NRXN3: variants seen among roughly 807,000 people sequenced by gnomAD.
NRXN3 encodes neurexin III.
A neutral mutation model predicts 137.6 loss-of-function variants in NRXN3; 32 were observed. That is an observed-to-expected ratio of 0.23 (90% CI 0.18 to 0.31). The LOEUF is 0.31. NRXN3 is among the 10% of genes least tolerant of loss of function. NRXN3 has a pLI of 1.00. For missense variants in NRXN3, 1,574 were observed against 2,062.5 expected, an observed-to-expected ratio of 0.76 and a Z score of 4.59; for synonymous variants, 798 against 784.5, an observed-to-expected ratio of 1.02 and a Z score of -0.29.
chr14:79,068,837 C>T (rs1436650056), intron 15 of NRXN3, among the ~76,000 whole-genome samples: 1 of 151,980 alleles, frequency 6.6e-6, no homozygotes, highest in African/African-American at 2.4e-5. Flanking sequence ...TTAGATGTTG[C>T]CCGTCTCAGC....
chr14:78,421,923 A>G (rs2093464610), intron 4 of NRXN3, among the ~76,000 whole-genome samples: 1 of 152,132 alleles, frequency 6.6e-6, no homozygotes, highest in African/African-American at 2.4e-5. Context: ...AGCGCCAGCT[A>G]TTTCTCTAGT....
intron 20 of NRXN3, among the ~76,000 whole-genome samples, chr14:79,842,433 A>C (rs1256022778): frequency 6.6e-6 from 1 of 152,140 alleles, no homozygotes; most frequent in Admixed American, 6.5e-5. Flanking sequence ...GCCAGAGAGT[A>C]TGGCCAGAGC....
intron 15 of NRXN3, among the ~76,000 whole-genome samples, chr14:79,362,638 A>G (rs1262222566): frequency 2.0e-5 from 3 of 152,198 alleles, no homozygotes; most frequent in African/African-American, 7.2e-5. Context: ...CTTAGAAATG[A>G]TCTTTACACA....
At chr14:78,491,263 T>C (rs1015706777) in intron 4 of NRXN3, among the ~76,000 whole-genome samples, 1 of 151,920 alleles carries the variant, frequency 6.6e-6, no homozygotes, top group African/African-American at 2.4e-5. Flanking sequence ...GTGCCCTTCA[T>C]TTTCCAGCTC....
intron 8 of NRXN3, among the ~76,000 whole-genome samples, chr14:78,780,712 G>A (rs907923629): frequency 5.3e-5 from 8 of 152,124 alleles, no homozygotes; most frequent in Non-Finnish European, 1.0e-4. Context: ...AGCATGTATA[G>A]CCACACTAGA....
At chr14:79,414,555 C>T (rs538690578) in intron 15 of NRXN3, among the ~76,000 whole-genome samples, 4 of 152,236 alleles carry the variant, frequency 2.6e-5, no homozygotes, top group African/African-American at 9.6e-5. Flanking sequence ...CTTTCCCCAT[C>T]CCCAACTTTA....
chr14:78,443,871 A>C (rs1409905994), intron 4 of NRXN3, among the ~76,000 whole-genome samples: 1 of 152,230 alleles, frequency 6.6e-6, no homozygotes, highest in Non-Finnish European at 1.5e-5. Flanking sequence ...TTCTATTGTA[A>C]CCACACTGTC....
chr14:78,948,545 G>A (rs984607088), intron 10 of NRXN3, among the ~76,000 whole-genome samples: 7 of 152,140 alleles, frequency 4.6e-5, no homozygotes, highest in South Asian at 2.1e-4. Context: ...GATGCCAGGC[G>A]GCACGTGATG....
At chr14:78,808,590 CTCTG>C (rs1303459534) in intron 9 of NRXN3, among the ~76,000 whole-genome samples, 1 of 152,114 alleles carries the variant, frequency 6.6e-6, no homozygotes, top group Non-Finnish European at 1.5e-5. Context: ...GCATGGCCTC[CTCTG>C]TCTGGTAATC....
chr14:78,928,892 T>C (rs2099313866), intron 10 of NRXN3, among the ~76,000 whole-genome samples: 1 of 152,162 alleles, frequency 6.6e-6, no homozygotes, highest in African/African-American at 2.4e-5. Context: ...CCACAATGGT[T>C]GAACTAGTTT....
intron 8 of NRXN3, among the ~76,000 whole-genome samples, chr14:78,755,064 A>G (rs1191354989): frequency 6.6e-6 from 1 of 152,120 alleles, no homozygotes; most frequent in East Asian, 1.9e-4. Context: ...CTCTCATGGA[A>G]TGCCCAGGCT....
At chr14:79,805,039 G>T in intron 19 of NRXN3, 73 bp from the exon 20 acceptor site, 2 of 1,033,334 alleles carry the variant, frequency 1.9e-6, no homozygotes, top group South Asian at 2.7e-5. Context: ...TGATGTCTTT[G>T]TTCATTAGTT....
At chr14:79,290,381 T>C (rs2082974175) in intron 15 of NRXN3, among the ~76,000 whole-genome samples, 1 of 152,168 alleles carries the variant, frequency 6.6e-6, no homozygotes, top group East Asian at 1.9e-4. Flanking sequence ...ATCTATTTGC[T>C]TAGCACCTTT....
chr14:78,599,009 T>G (rs1482681192), intron 4 of NRXN3, among the ~76,000 whole-genome samples: 1 of 152,244 alleles, frequency 6.6e-6, no homozygotes, highest in Non-Finnish European at 1.5e-5. Flanking sequence ...CTTCTTACCC[T>G]GACGGTTGCC....
intron 11 of NRXN3, among the ~76,000 whole-genome samples, chr14:78,961,750 G>T (rs2099408594): frequency 6.6e-6 from 1 of 152,198 alleles, no homozygotes; most frequent in African/African-American, 2.4e-5. Flanking sequence ...AGGCAGTACA[G>T]CCCTGGACTC....
intron 19 of NRXN3, among the ~76,000 whole-genome samples, chr14:79,774,655 T>C (rs1012079513): frequency 6.6e-6 from 1 of 152,194 alleles, no homozygotes. Flanking sequence ...CCTTCACATA[T>C]GCTTTGCTAT....
chr14:78,897,893 G>A (rs576591051), intron 10 of NRXN3, among the ~76,000 whole-genome samples: 6 of 151,884 alleles, frequency 4.0e-5, no homozygotes, highest in Non-Finnish European at 7.4e-5. Context: ...ATTAATTTAT[G>A]CTTAGCAATC....
intron 4 of NRXN3, among the ~76,000 whole-genome samples, chr14:78,508,799 A>G (rs2096048790): frequency 6.6e-6 from 1 of 152,320 alleles, no homozygotes; most frequent in African/African-American, 2.4e-5. Flanking sequence ...TGTGAATGCA[A>G]TGACACTAAA....
chr14:79,191,594 T>C (rs2064320255), intron 15 of NRXN3, among the ~76,000 whole-genome samples: 1 of 152,192 alleles, frequency 6.6e-6, no homozygotes, highest in South Asian at 2.1e-4. Context: ...ATAGCATAGA[T>C]GGGTAAATAT....
Sources: gnomAD v4.1 joint callset for allele counts (sites outside exome capture counted in the v4.1 genomes callset) on GRCh38, gnomAD v4.1.1 for gene constraint, MANE v1.5 for transcripts, NCBI Gene and HGNC (gene_info 2026-07-23, HGNC 2026-07-21) for gene names.